The following NR3C2 variants were observed in gnomAD, a reference collection of about 807,000 sequenced individuals.
The protein encoded by NR3C2 is mineralocorticoid receptor.
Under a neutral mutation model 86.4 loss-of-function variants are expected in NR3C2, and 15 were observed. That is an observed-to-expected ratio of 0.17 (90% CI 0.12 to 0.27). The LOEUF (loss-of-function observed/expected upper bound fraction) is 0.27. Ranked by LOEUF, NR3C2 falls within the 10% of genes least tolerant of loss-of-function variation. The pLI is 1.00. For synonymous variants in NR3C2, 458 were observed against 450.5 expected (o/e 1.02, Z -0.21); for missense variants, 960 against 1,195.6 (o/e 0.80, Z 2.91).
chr4:148,424,496 T>C (rs1190740133), intron 2 of NR3C2, among the ~76,000 whole-genome samples: 1 of 152,202 alleles, frequency 6.6e-6, no homozygotes, highest in Non-Finnish European at 1.5e-5. Context: ...AATATTTATA[T>C]TGGCTTTAAC....
chr4:148,101,036 G>T (rs994810533), intron 8 of NR3C2, among the ~76,000 whole-genome samples: 1 of 152,182 alleles, frequency 6.6e-6, no homozygotes, highest in Non-Finnish European at 1.5e-5. Context: ...AGAAAGAGGG[G>T]AAGGGGGAGT....
rs554123546 is a variant in NR3C2, at chr4:148,290,881, G to A, written c.1758-30764C>T. On this transcript the variant is annotated intron_variant, in intron 2 of 8. Coordinates refer to ENST00000358102, the MANE Select transcript of NR3C2 (RefSeq NM_000901.5). ...TCATCAGTTTAAAGAGAAGATGGTC[G>A]TCATCTCTGTTCTATATTTGAAAAA... is the stretch of plus-strand genomic sequence containing the variant. 4.5e-4 allele frequency among the ~76,000 whole-genome samples: 69 copies of A among 152,238 alleles called. No individual in the cohort carries two copies. In the South Asian group the frequency reaches 4.6e-3, roughly 10 times the overall value.
At chr4:148,377,951 C>G (rs919374888) in intron 2 of NR3C2, among the ~76,000 whole-genome samples, 1 of 152,058 alleles carries the variant, frequency 6.6e-6, no homozygotes, top group African/African-American at 2.4e-5. Flanking sequence ...GCATGGAAGC[C>G]TTAGTGTCAA....
chr4:148,332,424 T>C (rs1338046516), intron 2 of NR3C2, among the ~76,000 whole-genome samples: 2 of 78,700 alleles, frequency 2.5e-5, no homozygotes, highest in Non-Finnish European at 3.8e-5. Context: ...TGGGAATGTC[T>C]TTTTTCCCTA....
rs1351617591 is a variant in NR3C2 at position 148,081,188 on chromosome 4, T to TCCCGGCTC, written c.*148_*155dup. 2.8e-6 allele frequency: 3 copies of TCCCGGCTC among 1,061,822 alleles called. No individual in the cohort carries two copies. The African/African-American group carries it at 4.7e-5, about 17-fold the overall frequency. 65.8% of individuals were successfully genotyped at this position (1,061,822 alleles called of 1,614,324 possible). A position where few individuals can be genotyped will look rare whatever the true frequency, so the allele number is the denominator to read the frequency against. Reference sequence around the variant, plus strand: ...CGCCAAATCCACGGAAAAACAGCTTTCCCGGCTCCAAACCTCTGACATGAC... The same window carrying TCCCGGCTC: ...CGCCAAATCCACGGAAAAACAGCTTTCCCGGCTCCCCGGCTCCAAACCTCTGACATGAC... On this transcript the variant is annotated 3_prime_UTR_variant, in exon 9 of 9. Transcript: ENST00000358102.
intron 2 of NR3C2, among the ~76,000 whole-genome samples, chr4:148,261,341 C>CCTATGGTGCGCTATGGTAAGCG (rs1561006128): frequency 2.4e-4 from 21 of 87,294 alleles, no homozygotes; most frequent in Non-Finnish European, 4.5e-4. Context: ...TATGGTAAGC[C>CCTATGGTGCGCTATGGTAAGCG]CTATGGTGCG....
intron 2 of NR3C2, among the ~76,000 whole-genome samples, chr4:148,429,779 A>G (rs1183757110): frequency 6.6e-6 from 1 of 152,206 alleles, no homozygotes; most frequent in Non-Finnish European, 1.5e-5. Flanking sequence ...AAATGTTGGA[A>G]TGTCATCAAA....
intron 7 of NR3C2, among the ~76,000 whole-genome samples, chr4:148,117,848 C>T (rs1732340454): frequency 6.6e-6 from 1 of 152,180 alleles, no homozygotes; most frequent in South Asian, 2.1e-4. Flanking sequence ...GCCCCTTCTC[C>T]CACACCTCTG....
At chr4:148,399,906 C>T (rs1748055394) in intron 2 of NR3C2, among the ~76,000 whole-genome samples, 1 of 152,204 alleles carries the variant, frequency 6.6e-6, no homozygotes, top group Non-Finnish European at 1.5e-5. Context: ...TATTGGAATA[C>T]AGATGCAAAC....
chr4:148,388,244 C>T (rs1383402639), intron 2 of NR3C2, among the ~76,000 whole-genome samples: 1 of 152,208 alleles, frequency 6.6e-6, no homozygotes, highest in Non-Finnish European at 1.5e-5. Context: ...GAACATGCTA[C>T]ATCCAAAATG....
At chr4:148,362,893 G>A (rs1426288493) in intron 2 of NR3C2, among the ~76,000 whole-genome samples, 1 of 152,084 alleles carries the variant, frequency 6.6e-6, no homozygotes, top group Non-Finnish European at 1.5e-5. Context: ...CTCTCATGGC[G>A]TTTCCGTTAT....
At chr4:148,354,020 C>G (rs1341675378) in intron 2 of NR3C2, among the ~76,000 whole-genome samples, 1 of 152,016 alleles carries the variant, frequency 6.6e-6, no homozygotes, top group Non-Finnish European at 1.5e-5. Flanking sequence ...TATTATACTG[C>G]TAGACATGTA....
intron 2 of NR3C2, among the ~76,000 whole-genome samples, chr4:148,275,994 A>G (rs1740942097): frequency 6.6e-6 from 1 of 152,190 alleles, no homozygotes; most frequent in African/African-American, 2.4e-5. Flanking sequence ...GATCTGGGTT[A>G]CAAAATTCCA....
rs529729586 is a variant in NR3C2, at chr4:148,100,917, T to C, written c.2799+13187A>G. Among the ~76,000 whole-genome samples, 4 of 152,360 alleles carry C rather than the reference T, an allele frequency of 2.6e-5. No homozygotes were observed. In the South Asian group the frequency reaches 8.3e-4, roughly 32 times the overall value. On this transcript the variant is annotated intron_variant, in intron 8 of 8. Transcript: ENST00000358102. The stretch of plus-strand genomic sequence containing the variant: ...AGTAACTCTGACATCTGCTGCAACA[T>C]GGACGAACTTGGAGGACATTATGCT...
At chr4:148,206,897 T>G (rs1737035278) in intron 3 of NR3C2, among the ~76,000 whole-genome samples, 1 of 152,202 alleles carries the variant, frequency 6.6e-6, no homozygotes. Flanking sequence ...GTTAGGCAAG[T>G]TACATTCTTA....
At chr4:148,114,342 T>G in intron 7 of NR3C2, 81 bp from the exon 8 acceptor site, 1 of 1,471,402 alleles carries the variant, frequency 6.8e-7, no homozygotes, top group Non-Finnish European at 9.4e-7. Flanking sequence ...CATATACTGA[T>G]TTTGAGGTTA....
At chr4:148,309,055 A>T (rs1257152226) in intron 2 of NR3C2, among the ~76,000 whole-genome samples, 3 of 152,188 alleles carry the variant, frequency 2.0e-5, no homozygotes, top group African/African-American at 7.2e-5. Context: ...TACAAAAAAA[A>T]AAGTTTGAGA....
intron 2 of NR3C2, among the ~76,000 whole-genome samples, chr4:148,421,742 A>C (rs982955416): frequency 6.6e-6 from 1 of 152,180 alleles, no homozygotes. Flanking sequence ...TAAAATTGGC[A>C]AGAATTTAAC....
chr4:148,434,415 A>T lies in NR3C2; in HGVS notation c.1757+689T>A, dbSNP rs533332725. ...AATATGTCTTCTTGCAGATCTGAAA[A>T]GTTATAAATATACCAATTCAAAACT... is the stretch of plus-strand genomic sequence containing the variant. On this transcript the variant is annotated intron_variant, in intron 2 of 8. Coordinates refer to ENST00000358102, the MANE Select transcript of NR3C2 (RefSeq NM_000901.5). 2.0e-5 allele frequency among the ~76,000 whole-genome samples: 3 copies of T among 152,342 alleles called. No homozygotes were observed. In the South Asian group the frequency reaches 6.2e-4, roughly 32 times the overall value.
Sources: allele counts gnomAD v4.1 joint callset (sites outside exome capture counted in the v4.1 genomes callset), GRCh38; gene constraint gnomAD v4.1.1; transcripts MANE v1.5; gene names NCBI Gene and HGNC (gene_info 2026-07-23, HGNC 2026-07-21).